The following GLCCI1 variants were observed in gnomAD, a reference collection of about 807,000 sequenced individuals.
GLCCI1 encodes glucocorticoid-induced transcript 1 protein.
Under a neutral mutation model 52.2 loss-of-function variants are expected in GLCCI1, and 24 were observed. That is an observed-to-expected ratio of 0.46 (90% CI 0.33 to 0.65). The LOEUF is 0.65. Ranked by LOEUF, GLCCI1 falls within the 30% of genes least tolerant of loss-of-function variation. The pLI, the probability that GLCCI1 is intolerant of heterozygous loss-of-function variation, is 0.02. For synonymous variants in GLCCI1, 310 were observed against 276.5 expected, an observed-to-expected ratio of 1.12 and a Z score of -1.20; for missense variants, 704 against 701.5, an observed-to-expected ratio of 1.00 and a Z score of -0.04.
chr7:8,061,470 C>T (rs915300293), intron 5 of GLCCI1, among the ~76,000 whole-genome samples: 9 of 152,018 alleles, frequency 5.9e-5, no homozygotes, highest in African/African-American at 2.2e-4. Context: ...TTAAAATTGG[C>T]AGTGAAATTG....
chr7:8,020,005 A>G (rs948726589), intron 2 of GLCCI1, among the ~76,000 whole-genome samples: 2 of 152,194 alleles, frequency 1.3e-5, no homozygotes, highest in African/African-American at 4.8e-5. Flanking sequence ...TTCTTTCTTC[A>G]GTAATGTTAA....
At chr7:8,082,091 C>T (rs1783007960) in intron 6 of GLCCI1, among the ~76,000 whole-genome samples, 1 of 152,150 alleles carries the variant, frequency 6.6e-6, no homozygotes, top group Non-Finnish European at 1.5e-5. Context: ...CATGAGACTT[C>T]TCATCTTGAA....
At chr7:8,024,809 C>T (rs1342516608) in intron 3 of GLCCI1, 1 of 152,206 alleles carries the variant, frequency 6.6e-6, no homozygotes, top group African/African-American at 2.4e-5. Context: ...AACTAATGAA[C>T]ATAGGGTAAG....
chr7:8,040,560 A>ACACACACACC (rs1026226177), intron 3 of GLCCI1, among the ~76,000 whole-genome samples: 2 of 150,028 alleles, frequency 1.3e-5, no homozygotes, highest in African/African-American at 5.0e-5. Flanking sequence ...ACACACACAC[A>ACACACACACC]CCAATGACTA....
chr7:8,086,261 C>G lies in GLCCI1; in HGVS notation c.1367C>G (p.Thr456Ser). 1 of 1,614,218 alleles carries G rather than the reference C, an allele frequency of 6.2e-7. No individual in the cohort carries two copies. The highest frequency in any genetic ancestry group is 2.2e-5 in the East Asian group (1 of 44,894). Residue 456 changes from threonine to serine, a missense_variant, in exon 8 of 8, where the codon ACC becomes AGC. This residue lies in a region of GLCCI1 where 149 missense variants were observed against 152.9 expected (regional missense o/e 0.97). Coordinates refer to ENST00000223145, the MANE Select transcript of GLCCI1 (RefSeq NM_138426.4). This position sits in a 1 kb window ranked among gnomAD's most constrained non-coding sequence, Gnocchi z 4.4. ...AAAAACAAGGTTAATTTCATCCCAA[C>G]CGGATCAGCTTTCTGTCCTGTAAAA... ...PDKNKVNFIP[T>S]GSAFCPVKLL... is the part of the protein sequence containing the mutation.
At chr7:7,980,545 C>T in intron 1 of GLCCI1, 2 of 513,078 alleles carry the variant, frequency 3.9e-6, no homozygotes, top group Admixed American at 2.9e-5. Context: ...TTTTATCATA[C>T]AAACTGTTGA....
chr7:8,040,010 AAAAG>A (rs1171042453), intron 3 of GLCCI1, among the ~76,000 whole-genome samples: 2 of 150,852 alleles, frequency 1.3e-5, no homozygotes, highest in South Asian at 2.1e-4. Context: ...AAAAAAAAAA[AAAAG>A]AAGAAGCCCA....
chr7:8,085,464 A>C (rs1467346345), intron 7 of GLCCI1, among the ~76,000 whole-genome samples: 2 of 152,238 alleles, frequency 1.3e-5, no homozygotes, highest in Admixed American at 1.3e-4. Flanking sequence ...TATCTTCATG[A>C]AATTTTAATA....
chr7:8,023,819 G>A (rs1002292518), intron 3 of GLCCI1, among the ~76,000 whole-genome samples: 2 of 151,168 alleles, frequency 1.3e-5, no homozygotes, highest in South Asian at 2.1e-4. Context: ...GGCTAGTCTC[G>A]AACTCCTGAC....
chr7:7,979,299 T>TG (rs1485837901), intron 1 of GLCCI1, among the ~76,000 whole-genome samples: 4 of 152,334 alleles, frequency 2.6e-5, no homozygotes, highest in South Asian at 4.1e-4. Context: ...TTCAGGGAAT[T>TG]GCATTTGCTC....
chr7:8,050,886 G>A (rs112540383), intron 3 of GLCCI1, among the ~76,000 whole-genome samples: 41 of 151,984 alleles, frequency 2.7e-4, no homozygotes, highest in African/African-American at 8.9e-4. Flanking sequence ...AATAATAATA[G>A]TACCTATCTC....
chr7:8,061,770 G>A (rs1782521761), intron 5 of GLCCI1, among the ~76,000 whole-genome samples: 2 of 144,304 alleles, frequency 1.4e-5, no homozygotes, highest in South Asian at 4.4e-4. Context: ...AGGTTCAAGT[G>A]GTTCTCCCGC....
At chr7:8,022,289 T>G (rs1781512846) in intron 2 of GLCCI1, among the ~76,000 whole-genome samples, 194 bp from the exon 3 acceptor site, 1 of 152,140 alleles carries the variant, frequency 6.6e-6, no homozygotes, top group East Asian at 1.9e-4. Context: ...AGAGACATCT[T>G]TGAGCATATA....
chr7:8,057,507 G>T (rs902774216), intron 4 of GLCCI1, among the ~76,000 whole-genome samples: 1 of 151,970 alleles, frequency 6.6e-6, no homozygotes, highest in Non-Finnish European at 1.5e-5. Flanking sequence ...CAACATTATC[G>T]AAACAAAGTT....
Position 8,071,010 on chromosome 7 carries a change from T to C in GLCCI1, c.1056T>C (p.Ser352=). Residue 352 remains serine, a synonymous_variant, in exon 6 of 8, where the codon TCT becomes TCC. Transcript: ENST00000223145. ...STRSIDTQTP[S]VQERSSSCSS... is the part of the protein sequence containing the mutation. Reference sequence around the variant, plus strand: ...GCAGCATTGACACTCAGACTCCTTCTGTCCAGGAGCGCAGCAGTAGCTGCA... The same window carrying C: ...GCAGCATTGACACTCAGACTCCTTCCGTCCAGGAGCGCAGCAGTAGCTGCA... 6.2e-7 allele frequency: 1 copy of C among 1,614,214 alleles called. No individual in the cohort carries two copies. Among genetic ancestry groups the C allele is most frequent in the South Asian group, 1.1e-5 (1 of 91,078 alleles).
chr7:8,020,441 TATTC>T (rs1344130843), intron 2 of GLCCI1, among the ~76,000 whole-genome samples: 1 of 152,246 alleles, frequency 6.6e-6, no homozygotes, highest in Non-Finnish European at 1.5e-5. Flanking sequence ...TAAGTTTTCA[TATTC>T]ATTTTTAAGA....
chr7:7,971,552 GA>G (rs752213519), intron 1 of GLCCI1, among the ~76,000 whole-genome samples: 1 of 152,178 alleles, frequency 6.6e-6, no homozygotes, highest in Non-Finnish European at 1.5e-5. Context: ...GTGAGTAAGA[GA>G]AGTTTCGGCA....
At chr7:8,047,150 C>T (rs1782149099) in intron 3 of GLCCI1, among the ~76,000 whole-genome samples, 1 of 152,164 alleles carries the variant, frequency 6.6e-6, no homozygotes, top group Non-Finnish European at 1.5e-5. Context: ...TATTAGAAAT[C>T]ACAGTTAATG....
At chr7:8,020,361 A>G (rs1781458799) in intron 2 of GLCCI1, among the ~76,000 whole-genome samples, 1 of 152,238 alleles carries the variant, frequency 6.6e-6, no homozygotes, top group Non-Finnish European at 1.5e-5. Flanking sequence ...ATAACTATAC[A>G]TATACTACTA....
Sources: allele counts gnomAD v4.1 joint callset (sites outside exome capture counted in the v4.1 genomes callset), GRCh38; gene constraint gnomAD v4.1.1; regional missense constraint gnomAD v4.1.1; non-coding constraint Gnocchi (gnomAD v3.1); transcripts MANE v1.5; gene names NCBI Gene and HGNC (gene_info 2026-07-23, HGNC 2026-07-21).